SPATA17: variants seen among roughly 807,000 people sequenced by gnomAD.
The protein encoded by SPATA17 is spermatogenesis-associated protein 17.
A neutral mutation model predicts 62.2 loss-of-function variants in SPATA17; 53 were observed. That is an observed-to-expected ratio of 0.85 (90% CI 0.68 to 1.07). SPATA17 has a LOEUF of 1.07. Among genes scored for constraint, SPATA17 ranks in the 50% least tolerant of loss-of-function variants. SPATA17 has a pLI of 0.00. For synonymous variants in SPATA17, 146 were observed against 146.8 expected, an observed-to-expected ratio of 0.99 and a Z score of 0.04; for missense variants, 466 against 425.5, an observed-to-expected ratio of 1.10 and a Z score of -0.84.
intron 1 of SPATA17, among the ~76,000 whole-genome samples, chr1:217,648,136 C>G (rs1028481897): frequency 3.3e-5 from 5 of 152,198 alleles, no homozygotes. Context: ...TTAATTATTT[C>G]CAGCAGATTT....
chr1:217,721,491 A>G (rs1238942656), intron 5 of SPATA17, among the ~76,000 whole-genome samples: 3 of 152,164 alleles, frequency 2.0e-5, no homozygotes, highest in African/African-American at 7.2e-5. Flanking sequence ...GGCTTTCCTT[A>G]GCTCACTAGG....
At chr1:217,847,364 A>G (rs1264243280) in intron 9 of SPATA17, among the ~76,000 whole-genome samples, 1 of 152,114 alleles carries the variant, frequency 6.6e-6, no homozygotes, top group Admixed American at 6.6e-5. Flanking sequence ...CTTTTGTTTC[A>G]GATTCAGTGA....
chr1:217,779,115 T>C (rs888174631), intron 7 of SPATA17, among the ~76,000 whole-genome samples: 13 of 150,782 alleles, frequency 8.6e-5, no homozygotes, highest in African/African-American at 1.9e-4. Flanking sequence ...AGTATAAAAA[T>C]AGAAAAATAC....
intron 9 of SPATA17, among the ~76,000 whole-genome samples, chr1:217,828,774 G>C (rs184017899): frequency 1.8e-4 from 27 of 152,124 alleles, no homozygotes; most frequent in Admixed American, 1.5e-3. Context: ...CAATTAAAAA[G>C]TGGGCAAAGA....
chr1:217,834,031 A>G (rs914482324), intron 9 of SPATA17, among the ~76,000 whole-genome samples: 1 of 152,024 alleles, frequency 6.6e-6, no homozygotes, highest in Non-Finnish European at 1.5e-5. Context: ...AAATATTGTC[A>G]CCCGCCACAT....
At chr1:217,777,145 C>T (rs2102973757) in intron 7 of SPATA17, among the ~76,000 whole-genome samples, 1 of 152,246 alleles carries the variant, frequency 6.6e-6, no homozygotes, top group East Asian at 1.9e-4. Context: ...CATTAAAAAT[C>T]TCCCACTTTA....
chr1:217,661,197 G>A (rs1372003722), intron 3 of SPATA17, among the ~76,000 whole-genome samples: 5 of 152,036 alleles, frequency 3.3e-5, no homozygotes, highest in African/African-American at 7.2e-5. Context: ...AAGAATTGAG[G>A]CTTGTGGAAT....
At chr1:217,723,764 T>C (rs1672194795) in intron 5 of SPATA17, among the ~76,000 whole-genome samples, 1 of 152,216 alleles carries the variant, frequency 6.6e-6, no homozygotes. Context: ...AAATCACATG[T>C]ATGATTGCTA....
intron 8 of SPATA17, among the ~76,000 whole-genome samples, chr1:217,791,109 G>A (rs1258852012): frequency 6.6e-6 from 1 of 152,120 alleles, no homozygotes; most frequent in African/African-American, 2.4e-5. Flanking sequence ...AGCACAGTGT[G>A]CAACATTTAT....
At chr1:217,828,587 A>G (rs1675057357) in intron 9 of SPATA17, among the ~76,000 whole-genome samples, 1 of 151,360 alleles carries the variant, frequency 6.6e-6, no homozygotes, top group Non-Finnish European at 1.5e-5. Context: ...GGGACTAAAA[A>G]GCTTCAAACT....
intron 9 of SPATA17, among the ~76,000 whole-genome samples, chr1:217,833,624 C>A (rs1261602566): frequency 6.6e-6 from 1 of 152,044 alleles, no homozygotes; most frequent in African/African-American, 2.4e-5. Flanking sequence ...ATTTTATATG[C>A]GGAGTTTGAT....
chr1:217,822,956 G>GT (rs1674903548), intron 9 of SPATA17, among the ~76,000 whole-genome samples: 1 of 151,564 alleles, frequency 6.6e-6, no homozygotes, highest in Admixed American at 6.6e-5. Flanking sequence ...TAATTTTAAA[G>GT]TTTTTCCATC....
chr1:217,866,437 T>C lies in SPATA17; in HGVS notation c.*3-585T>C, dbSNP rs190610332. The C allele has an allele frequency of 3.3e-3, 496 of 152,250 alleles. 3 individuals are homozygous for C. The South Asian group carries it at 0.033, about 10-fold the overall frequency. The allele number at this position is 152,250 out of a possible 1,614,324, so 9.4% of individuals were successfully genotyped here. A position where few individuals can be genotyped will look rare whatever the true frequency, so the allele number is the denominator to read the frequency against. On this transcript the variant is annotated intron_variant, in intron 10 of 10. Transcript: ENST00000366933. ...GCACACATAATCAAGATAGGCTTTTTTGTTTATGGTTTTTAGTTTGTTTGT... is the reference window on the plus strand; with the variant it reads ...GCACACATAATCAAGATAGGCTTTTCTGTTTATGGTTTTTAGTTTGTTTGT...
chr1:217,811,500 C>T (rs1436379482), intron 9 of SPATA17, among the ~76,000 whole-genome samples: 1 of 151,634 alleles, frequency 6.6e-6, no homozygotes, highest in Non-Finnish European at 1.5e-5. Flanking sequence ...ATCTTCTTAT[C>T]TCTTAAAATA....
At chr1:217,773,282 C>T (rs745540943) in intron 6 of SPATA17, among the ~76,000 whole-genome samples, 9 of 152,122 alleles carry the variant, frequency 5.9e-5, no homozygotes, top group Middle Eastern at 3.2e-3. Context: ...AGAGAAATCA[C>T]ATTTTTAGTA....
intron 9 of SPATA17, among the ~76,000 whole-genome samples, chr1:217,814,861 A>T (rs1306059389): frequency 6.6e-6 from 1 of 152,052 alleles, no homozygotes; most frequent in Middle Eastern, 3.2e-3. Context: ...AAAAAATAAA[A>T]TAAGAAGTTT....
chr1:217,796,076 G>T (rs1402312198), intron 8 of SPATA17, among the ~76,000 whole-genome samples: 1 of 152,122 alleles, frequency 6.6e-6, no homozygotes, highest in Non-Finnish European at 1.5e-5. Context: ...AAGACTACAG[G>T]CGTGAGAAGT....
In SPATA17 at chr1:217,656,668, T is replaced by C. The variant is rs547324797; in HGVS notation, c.240+5490T>C. ...GGAATCTTAATAAATAATTATGAAA[T>C]AAGATTAAAATAGCTCCCATTTCTT... On this transcript the variant is annotated intron_variant, in intron 3 of 10. Coordinates refer to ENST00000366933, the MANE Select transcript of SPATA17 (RefSeq NM_138796.4). 1.1e-4 allele frequency among the ~76,000 whole-genome samples: 17 copies of C among 152,274 alleles called. 1 individual carries two copies. Among genetic ancestry groups the C allele is most frequent in the Admixed American group, 5.9e-4 (9 of 15,300 alleles).
intron 7 of SPATA17, among the ~76,000 whole-genome samples, chr1:217,777,476 A>C (rs1673621764): frequency 6.6e-6 from 1 of 152,076 alleles, no homozygotes; most frequent in African/African-American, 2.4e-5. Context: ...ATCTCAGCAC[A>C]CTACCACTTC....
Sources: gnomAD v4.1 joint callset for allele counts (sites outside exome capture counted in the v4.1 genomes callset) on GRCh38, gnomAD v4.1.1 for gene constraint, MANE v1.5 for transcripts, NCBI Gene and HGNC (gene_info 2026-07-23, HGNC 2026-07-21) for gene names.